The following OTUD7B variants were observed in gnomAD, a reference collection of about 807,000 sequenced individuals.
OTUD7B encodes OTU deubiquitinase 7B, also known as OTU domain-containing protein 7B.
A neutral mutation model predicts 82.2 loss-of-function variants in OTUD7B; 34 were observed. The ratio of observed to expected loss-of-function variants is 0.41; its 90% CI spans 0.31 to 0.55. OTUD7B has a LOEUF of 0.55. OTUD7B is among the 20% of genes least tolerant of loss of function. The pLI, the probability that OTUD7B is intolerant of heterozygous loss-of-function variation, is 0.20. For synonymous variants in OTUD7B, 398 were observed against 402.7 expected, an observed-to-expected ratio of 0.99 and a Z score of 0.14; for missense variants, 944 against 1,062.1, an observed-to-expected ratio of 0.89 and a Z score of 1.55.
intron 2 of OTUD7B, among the ~76,000 whole-genome samples, chr1:149,974,031 A>AT (rs1306332234): frequency 2.6e-5 from 4 of 150,972 alleles, no homozygotes; most frequent in African/African-American, 7.3e-5. Context: ...CAAGTTTTCT[A>AT]TTTTTTTAGT....
At chr1:149,967,016 T>G (rs1404537552) in intron 4 of OTUD7B, among the ~76,000 whole-genome samples, 1 of 150,708 alleles carries the variant, frequency 6.6e-6, no homozygotes, top group Non-Finnish European at 1.5e-5. Flanking sequence ...CCAATTATAA[T>G]TAGTTGTATT....
At chr1:150,027,727 TAAA>T in the OTUD7B span, among the ~76,000 whole-genome samples, 1 of 145,914 alleles carries the variant, frequency 6.9e-6, no homozygotes, top group African/African-American at 2.5e-5. Flanking sequence ...GGATAACTGC[TAAA>T]AAAAAAAAGT....
chr1:149,999,109 C>T (rs782092138), intron 1 of OTUD7B, among the ~76,000 whole-genome samples: 3 of 151,982 alleles, frequency 2.0e-5, no homozygotes, highest in Non-Finnish European at 4.4e-5. Flanking sequence ...GCCAAGTGTT[C>T]GGTGGAAAGG....
rs76513068 is a variant in OTUD7B at position 149,950,789 on chromosome 1, G to GTTTTT, written c.846-573_846-569dup. Reference sequence around the variant, plus strand: ...CAATTCCATCTCCCGTGTGTTTTTTGTTTTTTTTTCTTTTTTTTTTTTGAG... The same window carrying GTTTTT: ...CAATTCCATCTCCCGTGTGTTTTTTGTTTTTTTTTTTTTTCTTTTTTTTTTTTGAG... On this transcript the variant is annotated intron_variant, in intron 7 of 11. Coordinates refer to ENST00000581312, the MANE Select transcript of OTUD7B (RefSeq NM_020205.4). 4.8e-3 allele frequency among the ~76,000 whole-genome samples: 628 copies of GTTTTT among 131,376 alleles called. 1 individual carries two copies. The highest frequency in any genetic ancestry group is 0.012 in the Middle Eastern group (3 of 246). 86.2% of individuals were successfully genotyped at this position (131,376 alleles called of 152,430 possible).
In OTUD7B at chr1:149,939,763, C is replaced by A. The variant is rs1208226304; in HGVS notation, c.*4094G>T. 1 of 152,060 alleles carries A rather than the reference C, an allele frequency of 6.6e-6. No homozygotes were observed. Among genetic ancestry groups the A allele is most frequent in the Non-Finnish European group, 1.5e-5 (1 of 68,040 alleles). 9.4% of individuals were successfully genotyped at this position (152,060 alleles called of 1,614,324 possible). A position where few individuals can be genotyped will look rare whatever the true frequency, so the allele number is the denominator to read the frequency against. On this transcript the variant is annotated 3_prime_UTR_variant, in exon 12 of 12. Transcript: ENST00000581312. ...TGGCCAACATGGTGAAACCCCATCT[C>A]TACTAAAATACAAAAATTAGCCGGG...
At chr1:150,039,630 C>A in the OTUD7B span, among the ~76,000 whole-genome samples, 1 of 152,222 alleles carries the variant, frequency 6.6e-6, no homozygotes, top group Non-Finnish European at 1.5e-5. Context: ...CTGCCTCGGC[C>A]TCCCGAAGTG....
chr1:150,054,125 C>T, the OTUD7B span: 6 of 368,416 alleles, frequency 1.6e-5, no homozygotes, highest in Admixed American at 3.9e-5. Flanking sequence ...GGAGAAGTTT[C>T]CTGCAACTAT....
the OTUD7B span, among the ~76,000 whole-genome samples, chr1:150,031,988 T>C: frequency 6.6e-6 from 1 of 152,284 alleles, no homozygotes; most frequent in Admixed American, 6.5e-5. Context: ...TCTTTACCTA[T>C]GTTTTCTTAT....
intron 6 of OTUD7B, among the ~76,000 whole-genome samples, chr1:149,960,387 TCC>T (rs376786632): frequency 2.1e-4 from 6 of 27,980 alleles, no homozygotes; most frequent in Non-Finnish European, 4.5e-4. Context: ...TTCTTTTCTT[TCC>T]TTTTTTTCTT....
the OTUD7B span, among the ~76,000 whole-genome samples, chr1:150,053,018 A>T: frequency 2.6e-5 from 4 of 152,134 alleles, no homozygotes; most frequent in Admixed American, 6.6e-5. Flanking sequence ...CCTTCTTTAC[A>T]CCATATACAA....
At chr1:149,986,543 A>G (rs1476813890) in intron 1 of OTUD7B, among the ~76,000 whole-genome samples, 2 of 152,316 alleles carry the variant, frequency 1.3e-5, no homozygotes, top group East Asian at 1.9e-4. Context: ...ACATTCTCTC[A>G]TTTACAACAT....
chr1:149,945,127 A>C, intron 11 of OTUD7B, 62 bp from the exon 12 acceptor site: 1 of 1,554,298 alleles, frequency 6.4e-7, no homozygotes, highest in Non-Finnish European at 8.7e-7. Flanking sequence ...GGAATCCCCC[A>C]GGGACCTCTA....
chr1:149,949,807 AGGCTGT>A, intron 8 of OTUD7B, 29 bp from the exon 9 acceptor site: 1 of 1,604,378 alleles, frequency 6.2e-7, no homozygotes, highest in Non-Finnish European at 8.5e-7. Context: ...ATTATTATGA[AGGCTGT>A]GTTTCTGCCT....
rs782244563 is a variant in OTUD7B at position 149,944,457 on chromosome 1, C to G, written c.1932G>C (p.Lys644Asn). 1 of 1,614,152 alleles carries G rather than the reference C, an allele frequency of 6.2e-7. No homozygotes were observed. The highest frequency in any genetic ancestry group is 2.2e-5 in the East Asian group (1 of 44,880). ...DAEERFLAEQ[K>N]QKEAERKIMN... ...TGATCTTCCTCTCTGCCTCCTTCTG[C>G]TTCTGTTCTGCCAGGAATCTCTCCT... The change falls in exon 12 of 12, where the codon AAG becomes AAC. Residue 644 changes from lysine to asparagine, a missense_variant. Physicochemically the swap from Lys to Asn is moderately conservative, Grantham distance 94 (BLOSUM62 0). Transcript: ENST00000581312.
chr1:149,958,544 G>T (rs1299205315), intron 7 of OTUD7B, among the ~76,000 whole-genome samples: 1 of 151,846 alleles, frequency 6.6e-6, no homozygotes, highest in Non-Finnish European at 1.5e-5. Flanking sequence ...GGCCAGGCTG[G>T]TCTCGAATTC....
chr1:150,031,345 C>T, the OTUD7B span, among the ~76,000 whole-genome samples: 1 of 152,080 alleles, frequency 6.6e-6, no homozygotes. Context: ...CCCACAGAGC[C>T]TGTTACTTTC....
chr1:150,057,255 G>T, the OTUD7B span, among the ~76,000 whole-genome samples: 1 of 152,172 alleles, frequency 6.6e-6, no homozygotes, highest in Non-Finnish European at 1.5e-5. Context: ...TTTTACCAAT[G>T]ATAATTTCCC....
At chr1:150,006,601 C>T (rs782018064) in intron 1 of OTUD7B, among the ~76,000 whole-genome samples, 2 of 152,048 alleles carry the variant, frequency 1.3e-5, no homozygotes, top group Non-Finnish European at 1.5e-5. Context: ...TGAAAATAAC[C>T]AGGAAATGTC....
rs200227851 is a variant in OTUD7B at position 149,943,890 on chromosome 1, T to G, written c.2499A>C (p.Glu833Asp). 1.8e-5 allele frequency: 29 copies of G among 1,614,100 alleles called. No homozygotes were observed. Among genetic ancestry groups the G allele is most frequent in the Non-Finnish European group, 2.4e-5 (28 of 1,180,040 alleles). ...TGTGCACCAGGAGCTCCCCATCCGG[T>G]TCCCGCTCCCTCCTCCTCAGTTCTT... is the stretch of plus-strand genomic sequence containing the variant. ...YREELRRRER[E>D]PDGELLVHRF The change falls in exon 12 of 12, where the codon GAA becomes GAC. Residue 833 changes from glutamate to aspartate, a missense_variant. Around this residue, in one of 3 missense-constraint regions of OTUD7B, gnomAD observed 412 missense variants for 418.7 expected, o/e 0.98. Transcript: ENST00000581312.
Sources: gnomAD v4.1 joint callset for allele counts (sites outside exome capture counted in the v4.1 genomes callset) on GRCh38, gnomAD v4.1.1 for gene constraint, gnomAD v4.1.1 regional missense constraint, MANE v1.5 for transcripts, NCBI Gene and HGNC (gene_info 2026-07-23, HGNC 2026-07-21) for gene names.